The following ATG2A variants were observed in gnomAD, a reference collection of about 807,000 sequenced individuals.
The protein encoded by ATG2A is autophagy related 2A.
In ATG2A, 103 loss-of-function variants were observed where a neutral mutation model predicts 214.2. That is an observed-to-expected ratio of 0.48 (90% CI 0.41 to 0.57). The LOEUF (loss-of-function observed/expected upper bound fraction) is 0.57. ATG2A is among the 20% of genes least tolerant of loss of function. The pLI, the probability that ATG2A is intolerant of heterozygous loss-of-function variation, is 0.00. For missense variants in ATG2A, 2,312 were observed against 2,613.2 expected, an observed-to-expected ratio of 0.88 and a Z score of 2.51; for synonymous variants, 1,160 against 1,142.1, an observed-to-expected ratio of 1.02 and a Z score of -0.32.
In ATG2A at chr11:64,898,915, T is replaced by C; in HGVS notation, c.4465-73A>G. The C allele has an allele frequency of 1.4e-6, 2 of 1,404,774 alleles. No individual in the cohort carries two copies. Among genetic ancestry groups the C allele is most frequent in the South Asian group, 2.4e-5 (2 of 82,716 alleles). The allele number at this position is 1,404,774 out of a possible 1,614,324, so 87.0% of individuals were successfully genotyped here. On this transcript the variant is annotated intron_variant, in intron 31 of 40. Transcript: ENST00000377264. The surrounding 1 kb of genome is among the most constrained non-coding windows in gnomAD (Gnocchi z 4.5). ...GAGGGAAGGGCTGGCCCCAGACCCC[T>C]TCTCTATTCTTTTTTTGAGACAGAG...
At chr11:64,899,199 C>A (rs918306098) in intron 31 of ATG2A, among the ~76,000 whole-genome samples, 15 of 152,170 alleles carry the variant, frequency 9.9e-5, no homozygotes, top group African/African-American at 3.6e-4. Context: ...GCCACCATGC[C>A]CGGCCCCTAC....
At chr11:64,909,952 C>T in intron 13 of ATG2A, 28 bp from the exon 14 acceptor site, 1 of 1,583,304 alleles carries the variant, frequency 6.3e-7, no homozygotes, top group Non-Finnish European at 8.6e-7. Flanking sequence ...GTCAGAGCAG[C>T]CGTCGGAGCC....
chr11:64,907,545 C>T lies in ATG2A; in HGVS notation c.2627G>A (p.Cys876Tyr). Reference protein sequence around the residue: ...SGFWHDSFKMCKSAFKLANCF... With the variant: ...SGFWHDSFKMYKSAFKLANCF... ...CATACCCAGCTTGAAGGCTGACTTG[C>T]ACATCTTAAAGCTGTCGTGCCAGAA... The change falls in exon 18 of 41, where the codon TGC becomes TAC. Residue 876 changes from cysteine to tyrosine, a missense_variant. Physicochemically the swap from Cys to Tyr is radical, Grantham distance 194 (BLOSUM62 -2). Transcript: ENST00000377264. 3 of 1,612,434 alleles carry T rather than the reference C, an allele frequency of 1.9e-6. No individual in the cohort carries two copies. The highest frequency in any genetic ancestry group is 2.5e-6 in the Non-Finnish European group (3 of 1,179,680).
At position 64,906,360 on chromosome 11, in the gene ATG2A, G is replaced by A; in HGVS notation, c.3157C>T (p.His1053Tyr). ...PHMLSTAVRI[H>Y]LDPHKNVKEF... ...TTCACATTCTTGTGGGGGTCCAGGTGGATGCGCACAGCAGTGGACAACATG... is the reference window on the plus strand; with the variant it reads ...TTCACATTCTTGTGGGGGTCCAGGTAGATGCGCACAGCAGTGGACAACATG... Residue 1053 changes from histidine to tyrosine, a missense_variant, in exon 21 of 41, where the codon CAC (histidine) becomes TAC (tyrosine). Coordinates refer to ENST00000377264, the MANE Select transcript of ATG2A (RefSeq NM_015104.3). 1.2e-6 allele frequency: 2 copies of A among 1,613,278 alleles called. No homozygotes were observed. Among genetic ancestry groups the A allele is most frequent in the Non-Finnish European group, 8.5e-7 (1 of 1,179,964 alleles).
Position 64,903,621 on chromosome 11 carries a change from C to G in ATG2A, c.3504G>C (p.Lys1168Asn), listed in dbSNP as rs1188856713. The change falls in exon 25 of 41, where the codon AAG becomes AAC. Residue 1168 changes from lysine to asparagine, a missense_variant. Physicochemically the swap from Lys to Asn is moderately conservative, Grantham distance 94. Coordinates refer to ENST00000377264, the MANE Select transcript of ATG2A (RefSeq NM_015104.3). This position sits in a 1 kb window ranked among gnomAD's most constrained non-coding sequence, Gnocchi z 4.2. ...LDDSALYLSD[K>N]CEVETLDLRR... is the part of the protein sequence containing the mutation. ...GCAGGTCCAGGGTCTCCACCTCACACTTGTCGGACAGGTACAAGGCGGAGT... is the reference window on the plus strand; with the variant it reads ...GCAGGTCCAGGGTCTCCACCTCACAGTTGTCGGACAGGTACAAGGCGGAGT... The G allele has an allele frequency of 1.3e-6, 2 of 1,550,186 alleles. No individual in the cohort carries two copies. Among genetic ancestry groups the G allele is most frequent in the Non-Finnish European group, 1.7e-6 (2 of 1,146,640 alleles).
At position 64,903,044 on chromosome 11, in the gene ATG2A, C is replaced by T. The variant is rs984034432; in HGVS notation, c.3612+244G>A. ...CTGATTCCCAGGGCCTCGCTGGTGC[C>T]CTGGCTGCCGCGTCCTCTGGTGGCA... On this transcript the variant is annotated intron_variant, in intron 26 of 40. Coordinates refer to ENST00000377264, the MANE Select transcript of ATG2A (RefSeq NM_015104.3). The surrounding 1 kb of genome is among the most constrained non-coding windows in gnomAD (Gnocchi z 4.2). Among the ~76,000 whole-genome samples the T allele has an allele frequency of 2.0e-5, 3 of 152,140 alleles. No individual in the cohort carries two copies. The highest frequency in any genetic ancestry group is 4.4e-5 in the Non-Finnish European group (3 of 68,004).
Position 64,917,034 on chromosome 11 carries a change from G to A in ATG2A, c.102C>T (p.Ser34=). The A allele has an allele frequency of 1.2e-6, 2 of 1,613,856 alleles. No individual in the cohort carries two copies. Among genetic ancestry groups the A allele is most frequent in the Non-Finnish European group, 1.7e-6 (2 of 1,180,006 alleles). The change falls in exon 1 of 41, where the codon AGC becomes AGT. Residue 34 remains serine (S), a synonymous_variant. Transcript: ENST00000377264. ...YLGHFFQEHL[S]LDQLSLDLYK... ...ACAGATCGAGGCTGAGCTGGTCCAG[G>A]CTGAGGTGCTCTTGGAAGAAGTGAC...
chr11:64,909,729 C>G lies in ATG2A; in HGVS notation c.2059G>C (p.Gly687Arg), dbSNP rs751061098. 1 of 1,613,178 alleles carries G rather than the reference C, an allele frequency of 6.2e-7. No individual in the cohort carries two copies. The highest frequency in any genetic ancestry group is 8.5e-7 in the Non-Finnish European group (1 of 1,179,992). ...TCCAGGTGGGTGGGGACTGGGGGAC[C>G]AGGCCCACTGCTAAGCTCTGACCGG... is the stretch of plus-strand genomic sequence containing the variant. ...QFRSELSSGP[G>R]PPVPTHLELT... The change falls in exon 14 of 41, where the codon GGT (glycine) becomes CGT (arginine). Residue 687 changes from glycine (G) to arginine (R), a missense_variant. Coordinates refer to ENST00000377264, the MANE Select transcript of ATG2A (RefSeq NM_015104.3).
Position 64,906,653 on chromosome 11 carries a change from C to T in ATG2A, c.2983+12G>A. 3.7e-6 allele frequency: 6 copies of T among 1,613,300 alleles called. No homozygotes were observed. Among genetic ancestry groups the T allele is most frequent in the Non-Finnish European group, 5.1e-6 (6 of 1,179,852 alleles). ...CTGGACCCCAGTGGTGACCTGCCCC[C>T]AGGCCTCACACCTCGGTGGTAGAGT... is the stretch of plus-strand genomic sequence containing the variant. On this transcript the variant is annotated intron_variant, in intron 20 of 40. Transcript: ENST00000377264.
chr11:64,910,536 G>A, intron 12 of ATG2A, 80 bp downstream of exon 12: 1 of 1,457,022 alleles, frequency 6.9e-7, no homozygotes, highest in Non-Finnish European at 9.3e-7. Context: ...GGGCTGGGCA[G>A]CAGAGGAGGC....
chr11:64,914,314 C>G (rs767852212), intron 2 of ATG2A, 24 bp downstream of exon 2: 2 of 1,573,490 alleles, frequency 1.3e-6, no homozygotes, highest in Admixed American at 3.7e-5. Flanking sequence ...CACTTGCCTG[C>G]CCCCAGCCTC....
rs750001017 is a variant in ATG2A at position 64,906,331 on chromosome 11, T to A, written c.3183+3A>T. On this transcript the variant is annotated splice_donor_region_variant and intron_variant, in intron 21 of 40. Coordinates refer to ENST00000377264, the MANE Select transcript of ATG2A (RefSeq NM_015104.3). ...GAGGGGTGGATGGTAGGCAAGCCCA[T>A]ACCTTCACATTCTTGTGGGGGTCCA... 7.4e-6 allele frequency: 12 copies of A among 1,612,920 alleles called. No homozygotes were observed. Among genetic ancestry groups the A allele is most frequent in the African/African-American group, 1.3e-5 (1 of 75,032 alleles).
intron 24 of ATG2A, among the ~76,000 whole-genome samples, chr11:64,904,012 G>T (rs914900953): frequency 2.0e-5 from 3 of 152,160 alleles, no homozygotes; most frequent in African/African-American, 7.2e-5. Flanking sequence ...TGGAGAGGCT[G>T]AGGCAGGCGG....
chr11:64,911,301 G>T lies in ATG2A; in HGVS notation c.1229-26C>A, dbSNP rs376664119. 5.6e-5 allele frequency: 90 copies of T among 1,607,200 alleles called. 1 individual carries two copies. The African/African-American group carries it at 7.3e-4, about 13-fold the overall frequency. ...CTGAGGGGACAGAGGCTTCAGCAGG[G>T]GCTCCCAACAGATTCCGGGTACCCC... On this transcript the variant is annotated intron_variant, in intron 9 of 40. Transcript: ENST00000377264.
intron 9 of ATG2A, 77 bp from the exon 10 acceptor site, chr11:64,911,352 G>A: frequency 2.0e-6 from 3 of 1,481,430 alleles, no homozygotes; most frequent in Non-Finnish European, 2.8e-6. Flanking sequence ...TTGCCACCAG[G>A]CTGGGGGTTG....
rs779269093 is a variant in ATG2A, at chr11:64,906,632, A to G, written c.2983+33T>C. 5.0e-6 allele frequency: 8 copies of G among 1,611,380 alleles called. No individual in the cohort carries two copies. The South Asian group carries it at 8.8e-5, about 18-fold the overall frequency. ...GAAAGCCCTCCACCCCCAACCCTGGACCCCAGTGGTGACCTGCCCCCAGGC... is the reference window on the plus strand; with the variant it reads ...GAAAGCCCTCCACCCCCAACCCTGGGCCCCAGTGGTGACCTGCCCCCAGGC... On this transcript the variant is annotated intron_variant, in intron 20 of 40. Coordinates refer to ENST00000377264, the MANE Select transcript of ATG2A (RefSeq NM_015104.3).
chr11:64,915,655 A>C (rs1944951973), intron 1 of ATG2A, among the ~76,000 whole-genome samples: 1 of 152,112 alleles, frequency 6.6e-6, no homozygotes, highest in African/African-American at 2.4e-5. Context: ...GAACAGGAGT[A>C]GGGGCGTTTT....
rs199982571 is a variant in ATG2A at position 64,902,154 on chromosome 11, C to T, written c.3927G>A (p.Ser1309=). 4.8e-5 allele frequency: 78 copies of T among 1,613,138 alleles called. No individual in the cohort carries two copies. The African/African-American group carries it at 7.7e-4, about 16-fold the overall frequency. Residue 1309 remains serine (S), a synonymous_variant, in exon 29 of 41, where the codon TCG becomes TCA. Transcript: ENST00000377264. The part of the protein sequence containing the change: ...QPSGGHLPQA[S]PISVYLFPGE... ...CTGGGAATAGGTAGACGGAGATGGG[C>T]GACGCCTGAGGGAGGTGGCCACCTA...
rs1281225634 is a variant in ATG2A at position 64,906,352 on chromosome 11, G to A, written c.3165C>T (p.Asp1055=). The A allele has an allele frequency of 5.0e-6, 8 of 1,613,228 alleles. No homozygotes were observed. Among genetic ancestry groups the A allele is most frequent in the Middle Eastern group, 1.7e-4 (1 of 6,060 alleles). Residue 1055 remains aspartate (D), a synonymous_variant, in exon 21 of 41, where the codon GAC becomes GAT. Transcript: ENST00000377264. ...MLSTAVRIHL[D]PHKNVKEFLV... is the part of the protein sequence containing the mutation. The stretch of plus-strand genomic sequence containing the variant: ...CCCATACCTTCACATTCTTGTGGGG[G>A]TCCAGGTGGATGCGCACAGCAGTGG...
Sources: allele counts gnomAD v4.1 joint callset (sites outside exome capture counted in the v4.1 genomes callset), GRCh38; gene constraint gnomAD v4.1.1; non-coding constraint Gnocchi (gnomAD v3.1); transcripts MANE v1.5; gene names NCBI Gene and HGNC (gene_info 2026-07-23, HGNC 2026-07-21).